The following KDM2B variants were observed in gnomAD, a reference collection of about 807,000 sequenced individuals.
KDM2B encodes the protein lysine demethylase 2B, also known as lysine-specific demethylase 2B.
In KDM2B, 26 loss-of-function variants were observed where a neutral mutation model predicts 150.0. That is an observed-to-expected ratio of 0.17 (90% confidence interval 0.13 to 0.24). KDM2B has a LOEUF of 0.24. KDM2B is among the 10% of genes least tolerant of loss of function. The pLI is 1.00. For missense variants in KDM2B, 1,265 were observed against 1,816.9 expected (o/e 0.70, Z 5.52); for synonymous variants, 734 against 729.5 (o/e 1.01, Z -0.10).
chr12:121,430,509 G>A lies in KDM2B; in HGVS notation c.3830-40C>T, dbSNP rs1555285274. ...TAGTAATGTGAGGTGTGAAGGCCAG[G>A]AGCCAGAAGCCCCCCCGCCGCCAGA... is the stretch of plus-strand genomic sequence containing the variant. On this transcript the variant is annotated intron_variant, in intron 22 of 22. Coordinates refer to ENST00000377071, the MANE Select transcript of KDM2B (RefSeq NM_032590.5). The surrounding 1 kb of genome is among the most constrained non-coding windows in gnomAD (Gnocchi z 4.4). The A allele has an allele frequency of 6.5e-7, 1 of 1,531,058 alleles. No homozygotes were observed. Among genetic ancestry groups the A allele is most frequent in the Admixed American group, 1.7e-5 (1 of 59,780 alleles). 94.8% of individuals were successfully genotyped at this position (1,531,058 alleles called of 1,614,324 possible). A position where few individuals can be genotyped will look rare whatever the true frequency, so the allele number is the denominator to read the frequency against.
intron 22 of KDM2B, among the ~76,000 whole-genome samples, chr12:121,437,508 G>GAA (rs140170154): frequency 0.34 from 51,086 of 150,522 alleles, 9,258 homozygotes; most frequent in East Asian, 0.44. Flanking sequence ...GTCCACATGG[G>GAA]AAAAAAAAAG....
intron 8 of KDM2B, among the ~76,000 whole-genome samples, chr12:121,525,205 G>A (rs577570873): frequency 1.3e-5 from 2 of 152,234 alleles, no homozygotes; most frequent in East Asian, 3.9e-4. Flanking sequence ...TGGGACCAGG[G>A]GCCAATTACT....
At chr12:121,524,340 C>G (rs1434845588) in intron 8 of KDM2B, among the ~76,000 whole-genome samples, 1 of 152,206 alleles carries the variant, frequency 6.6e-6, no homozygotes, top group Non-Finnish European at 1.5e-5. Context: ...TCTTTCCCAG[C>G]CCTGGACTCT....
intron 22 of KDM2B, among the ~76,000 whole-genome samples, chr12:121,431,854 G>GTTT (rs1873080588): frequency 6.7e-6 from 1 of 149,386 alleles, no homozygotes; most frequent in Non-Finnish European, 1.5e-5. Context: ...GATAACTCAG[G>GTTT]TTTTCATGGG....
rs370010545 is a variant in KDM2B at position 121,533,037 on chromosome 12, G to A, written c.778-78C>T. On this transcript the variant is annotated intron_variant, in intron 7 of 22. Coordinates refer to ENST00000377071, the MANE Select transcript of KDM2B (RefSeq NM_032590.5). This position sits in a 1 kb window ranked among gnomAD's most constrained non-coding sequence, Gnocchi z 4.1. ...AGAGAGAGGGCCCCACCTGCCTGGC[G>A]GAAGGGGAGGGGGCGAGACAAGCTG... 1.9e-4 allele frequency: 282 copies of A among 1,462,706 alleles called. No homozygotes were observed. The highest frequency in any genetic ancestry group is 5.1e-4 in the African/African-American group (37 of 72,114). 90.6% of individuals were successfully genotyped at this position (1,462,706 alleles called of 1,614,324 possible).
At chr12:121,525,113 C>A (rs1218833089) in intron 8 of KDM2B, among the ~76,000 whole-genome samples, 1 of 152,208 alleles carries the variant, frequency 6.6e-6, no homozygotes, top group Non-Finnish European at 1.5e-5. Flanking sequence ...TCAGTGAACT[C>A]CCTGCGCCGG....
chr12:121,570,739 G>C (rs1891031815), intron 4 of KDM2B, among the ~76,000 whole-genome samples: 1 of 152,154 alleles, frequency 6.6e-6, no homozygotes, highest in East Asian at 1.9e-4. Context: ...AAATGACACA[G>C]CTGCTTTGGT....
chr12:121,463,435 C>T (rs952107469), intron 12 of KDM2B, among the ~76,000 whole-genome samples: 2 of 152,156 alleles, frequency 1.3e-5, no homozygotes, highest in Non-Finnish European at 1.5e-5. Flanking sequence ...CAAGCCTGCA[C>T]GTTCTGCACA....
Position 121,440,928 on chromosome 12 carries a change from G to A in KDM2B, c.3498C>T (p.Ala1166=). The A allele has an allele frequency of 6.2e-7, 1 of 1,614,114 alleles. No homozygotes were observed. The highest frequency in any genetic ancestry group is 8.5e-7 in the Non-Finnish European group (1 of 1,180,022). The change falls in exon 21 of 23, where the codon GCC becomes GCT. Residue 1166 remains alanine (A), a synonymous_variant. Transcript: ENST00000377071. ...LSGCSWIAVS[A]LCSSSCPLLR... ...GCAGCGGACAACTGGAGCTGCAAAG[G>A]GCCGAGACCGCGATCCATGAGCAGC... is the stretch of plus-strand genomic sequence containing the variant.
At chr12:121,553,676 A>C (rs1275281125) in intron 4 of KDM2B, among the ~76,000 whole-genome samples, 1 of 152,106 alleles carries the variant, frequency 6.6e-6, no homozygotes, top group Non-Finnish European at 1.5e-5. Flanking sequence ...GGTCAGTTTC[A>C]TCTGTAACTA....
Position 121,533,627 on chromosome 12 carries a change from G to A in KDM2B, c.778-668C>T, listed in dbSNP as rs1022416143. Among the ~76,000 whole-genome samples the A allele has an allele frequency of 1.3e-5, 2 of 152,160 alleles. No homozygotes were observed. Among genetic ancestry groups the A allele is most frequent in the Non-Finnish European group, 2.9e-5 (2 of 68,036 alleles). ...GACTTTAAAGTAAAAAGGTCCCAGG[G>A]CAGGAGCTGAGATGACAGCCAGAGA... On this transcript the variant is annotated intron_variant, in intron 7 of 22. Coordinates refer to ENST00000377071, the MANE Select transcript of KDM2B (RefSeq NM_032590.5). The surrounding 1 kb of genome is among the most constrained non-coding windows in gnomAD (Gnocchi z 4.1).
rs367829269 is a variant in KDM2B at position 121,452,802 on chromosome 12, C to CGGAA, written c.1959+314_1959+317dup. ...AGACTTCTGACTCTGAAGGCAGGGCCGGAAGGAAGGAAGGAAGGGCCCAGA... is the reference window on the plus strand; with the variant it reads ...AGACTTCTGACTCTGAAGGCAGGGCCGGAAGGAAGGAAGGAAGGAAGGGCCCAGA... On this transcript the variant is annotated intron_variant, in intron 13 of 22. Coordinates refer to ENST00000377071, the MANE Select transcript of KDM2B (RefSeq NM_032590.5). This position sits in a 1 kb window ranked among gnomAD's most constrained non-coding sequence, Gnocchi z 4.4. Among the ~76,000 whole-genome samples the CGGAA allele has an allele frequency of 7.2e-5, 11 of 152,086 alleles. No homozygotes were observed. Among genetic ancestry groups the CGGAA allele is most frequent in the African/African-American group, 2.7e-4 (11 of 41,428 alleles).
At chr12:121,529,693 G>A (rs1887459135) in intron 8 of KDM2B, among the ~76,000 whole-genome samples, 1 of 152,124 alleles carries the variant, frequency 6.6e-6, no homozygotes, top group Non-Finnish European at 1.5e-5. Flanking sequence ...ATTTTGGGAG[G>A]CCGAGGCGGG....
Position 121,452,455 on chromosome 12 carries a change from G to A in KDM2B, c.1959+665C>T, listed in dbSNP as rs1038862292. Among the ~76,000 whole-genome samples, 5 of 152,226 alleles carry A rather than the reference G, an allele frequency of 3.3e-5. No individual in the cohort carries two copies. The highest frequency in any genetic ancestry group is 9.6e-5 in the African/African-American group (4 of 41,468). ...GCCGAGGAATCCCGTCCCTCCAGCC[G>A]AGCCTGCTTTTCCACGGGGACTGGG... is the stretch of plus-strand genomic sequence containing the variant. On this transcript the variant is annotated intron_variant, in intron 13 of 22. Coordinates refer to ENST00000377071, the MANE Select transcript of KDM2B (RefSeq NM_032590.5). This position sits in a 1 kb window ranked among gnomAD's most constrained non-coding sequence, Gnocchi z 4.4.
At chr12:121,481,281 C>T (rs1555297830) in intron 12 of KDM2B, among the ~76,000 whole-genome samples, 1 of 152,032 alleles carries the variant, frequency 6.6e-6, no homozygotes, top group Admixed American at 6.6e-5. Context: ...TGTTTCTGTT[C>T]GTTGGTGGAA....
At chr12:121,501,100 CA>C (rs1270858550) in intron 11 of KDM2B, among the ~76,000 whole-genome samples, 2 of 151,114 alleles carry the variant, frequency 1.3e-5, no homozygotes, top group African/African-American at 2.4e-5. Context: ...GATTCCATCT[CA>C]AAAAAAAATT....
chr12:121,420,024 A>G, the KDM2B span: 1 of 467,170 alleles, frequency 2.1e-6, no homozygotes, highest in Non-Finnish European at 3.9e-6. Context: ...CTTTACACAC[A>G]CACAGGAATT....
At chr12:121,507,639 C>A (rs1885209248) in intron 11 of KDM2B, among the ~76,000 whole-genome samples, 1 of 152,160 alleles carries the variant, frequency 6.6e-6, no homozygotes, top group South Asian at 2.1e-4. Flanking sequence ...CAAGTTTCAT[C>A]CCTAGGAGGA....
intron 22 of KDM2B, among the ~76,000 whole-genome samples, chr12:121,434,197 A>G (rs1432770911): frequency 1.3e-5 from 2 of 152,068 alleles, no homozygotes; most frequent in Non-Finnish European, 2.9e-5. Context: ...TCATAAATAA[A>G]GCACGTTACA....
Sources: allele counts gnomAD v4.1 joint callset (sites outside exome capture counted in the v4.1 genomes callset), GRCh38; gene constraint gnomAD v4.1.1; non-coding constraint Gnocchi (gnomAD v3.1); transcripts MANE v1.5; gene names NCBI Gene and HGNC (gene_info 2026-07-23, HGNC 2026-07-21).